ZNF469: variants seen among roughly 807,000 people sequenced by gnomAD.
The protein encoded by ZNF469 is zinc finger protein 469.
In ZNF469, 1 loss-of-function variant was observed where a neutral mutation model predicts 1.0. That is an observed-to-expected ratio of 1.00 (90% CI 0.35 to 4.73). ZNF469 has a LOEUF of 4.73. ZNF469 is among the 30% of genes most tolerant of loss of function. The pLI, the probability that ZNF469 is intolerant of heterozygous loss-of-function variation, is 0.16. For synonymous variants in ZNF469, 2,703 were observed against 2,363.4 expected, an observed-to-expected ratio of 1.14 and a Z score of -4.17; for missense variants, 6,100 against 5,356.3, an observed-to-expected ratio of 1.14 and a Z score of -4.33.
chr16:88,358,721 T>C, the ZNF469 span, among the ~76,000 whole-genome samples: 2 of 152,162 alleles, frequency 1.3e-5, no homozygotes, highest in African/African-American at 4.8e-5. Context: ...AATTTTTTTT[T>C]TAATTTTTAT....
chr16:88,143,659 G>A, the ZNF469 span, among the ~76,000 whole-genome samples: 1 of 152,238 alleles, frequency 6.6e-6, no homozygotes, highest in South Asian at 2.1e-4. Flanking sequence ...TGTGTCTGAC[G>A]TCTGTCTCTT....
At chr16:88,307,005 C>T in the ZNF469 span, among the ~76,000 whole-genome samples, 1 of 152,198 alleles carries the variant, frequency 6.6e-6, no homozygotes, top group African/African-American at 2.4e-5. Context: ...CTTGTTCCTC[C>T]CCCTACTTCT....
the ZNF469 span, among the ~76,000 whole-genome samples, chr16:88,326,232 A>G: frequency 2.0e-5 from 3 of 152,238 alleles, no homozygotes; most frequent in Admixed American, 1.3e-4. Flanking sequence ...TTCTCGTGAT[A>G]GTGAATAAGC....
At chr16:88,401,879 GATGGGTGA>G (rs1353383753) in intron 1 of ZNF469, among the ~76,000 whole-genome samples, 1 of 150,592 alleles carries the variant, frequency 6.6e-6, no homozygotes, top group African/African-American at 2.4e-5. Context: ...TAGATGGATA[GATGGGTGA>G]GTGGGTGAGT....
chr16:88,339,883 G>A, the ZNF469 span, among the ~76,000 whole-genome samples: 20 of 146,058 alleles, frequency 1.4e-4, no homozygotes, highest in Admixed American at 8.7e-4. Context: ...GAGTGGCAGG[G>A]GGCCTGGCCA....
intron 1 of ZNF469, among the ~76,000 whole-genome samples, chr16:88,396,394 GAAGGGAGGCCA>G (rs1478625439): frequency 2.0e-5 from 3 of 151,992 alleles, no homozygotes; most frequent in Admixed American, 6.5e-5. Flanking sequence ...AGACCCATCT[GAAGGGAGGCCA>G]GGAGGAGACC....
chr16:88,433,717 A>G lies in ZNF469; in HGVS notation c.6247A>G (p.Thr2083Ala). Residue 2083 changes from threonine (T) to alanine (A), a missense_variant, in exon 3 of 3, where the codon ACT becomes GCT. Physicochemically the swap from Thr to Ala is moderately conservative, Grantham distance 58. Coordinates refer to ENST00000565624, the MANE Select transcript of ZNF469 (RefSeq NM_001367624.2). ...CAGCCGAAGTGGATCTGAGGGCCGGACTCCAGAGAGGGCGTCCAGCCCCGG... is the reference window on the plus strand; with the variant it reads ...CAGCCGAAGTGGATCTGAGGGCCGGGCTCCAGAGAGGGCGTCCAGCCCCGG... The part of the protein sequence containing the change: ...AHSRSGSEGR[T>A]PERASSPGLN... 6.5e-7 allele frequency: 1 copy of G among 1,548,794 alleles called. No individual in the cohort carries two copies. The highest frequency in any genetic ancestry group is 1.2e-5 in the South Asian group (1 of 84,028).
the ZNF469 span, among the ~76,000 whole-genome samples, chr16:88,265,974 T>G: frequency 6.6e-6 from 1 of 152,212 alleles, no homozygotes; most frequent in Non-Finnish European, 1.5e-5. Flanking sequence ...AATTTGCACA[T>G]GACGGGCCCT....
chr16:88,200,837 C>T, the ZNF469 span, among the ~76,000 whole-genome samples: 23 of 152,398 alleles, frequency 1.5e-4, no homozygotes, highest in South Asian at 1.2e-3. Flanking sequence ...CTGTTGTCCT[C>T]CTGCAAAGGG....
At chr16:88,290,576 G>A in the ZNF469 span, among the ~76,000 whole-genome samples, 2 of 152,162 alleles carry the variant, frequency 1.3e-5, no homozygotes, top group African/African-American at 2.4e-5. Flanking sequence ...ACAATTCTAT[G>A]TAAATAAATG....
At chr16:88,140,332 G>A in the ZNF469 span, among the ~76,000 whole-genome samples, 8 of 152,114 alleles carry the variant, frequency 5.3e-5, no homozygotes, top group East Asian at 1.5e-3. Context: ...AAATCGGAGG[G>A]TAGCACGGAG....
the ZNF469 span, among the ~76,000 whole-genome samples, chr16:88,105,951 C>T: frequency 6.6e-6 from 1 of 152,228 alleles, no homozygotes; most frequent in African/African-American, 2.4e-5. Flanking sequence ...CAGGAGGCTC[C>T]ATCATGGTTG....
the ZNF469 span, among the ~76,000 whole-genome samples, chr16:88,375,338 C>T: frequency 5.3e-5 from 8 of 152,236 alleles, no homozygotes; most frequent in Non-Finnish European, 1.0e-4. Context: ...GGCCACTAGC[C>T]CAAGGCCACC....
chr16:88,366,510 TATC>T, the ZNF469 span, among the ~76,000 whole-genome samples: 5 of 118,114 alleles, frequency 4.2e-5, no homozygotes, highest in Non-Finnish European at 7.2e-5. Context: ...TCACCATCAC[TATC>T]ATCATTATCA....
chr16:88,140,443 G>T, the ZNF469 span, among the ~76,000 whole-genome samples: 1 of 149,890 alleles, frequency 6.7e-6, no homozygotes, highest in Admixed American at 6.6e-5. Flanking sequence ...AAGGAGGACG[G>T]AGCCACGTAG....
chr16:88,146,786 G>T, the ZNF469 span, among the ~76,000 whole-genome samples: 1 of 152,080 alleles, frequency 6.6e-6, no homozygotes, highest in African/African-American at 2.4e-5. Context: ...CCTGCGGGAG[G>T]GACTCCAGGG....
chr16:88,197,229 C>T, the ZNF469 span, among the ~76,000 whole-genome samples: 36 of 152,132 alleles, frequency 2.4e-4, no homozygotes, highest in African/African-American at 4.8e-4. Context: ...GGAGCAAAGA[C>T]GTCAGGAAGC....
chr16:88,402,636 G>T (rs1038042655), intron 1 of ZNF469, among the ~76,000 whole-genome samples: 5 of 152,172 alleles, frequency 3.3e-5, no homozygotes, highest in African/African-American at 2.4e-5. Flanking sequence ...CTGCCCCCAC[G>T]GTCAGGGCCT....
chr16:88,292,527 CAT>C, the ZNF469 span, among the ~76,000 whole-genome samples: 2 of 152,174 alleles, frequency 1.3e-5, no homozygotes, highest in East Asian at 1.9e-4. Flanking sequence ...ATTGTGGTGA[CAT>C]GTGTGACGCA....
Sources: gnomAD v4.1 joint callset for allele counts (sites outside exome capture counted in the v4.1 genomes callset) on GRCh38, gnomAD v4.1.1 for gene constraint, MANE v1.5 for transcripts, NCBI Gene and HGNC (gene_info 2026-07-23, HGNC 2026-07-21) for gene names.